Variants in ACSL6 observed in about 807,000 individuals in gnomAD.
ACSL6 encodes long-chain-fatty-acid--CoA ligase 6.
Under a neutral mutation model 98.2 loss-of-function variants are expected in ACSL6, and 47 were observed. That is an observed-to-expected ratio of 0.48 (90% CI 0.38 to 0.61). ACSL6 has a LOEUF of 0.61. Among genes scored for constraint, ACSL6 ranks in the 20% least tolerant of loss-of-function variants. The probability of loss-of-function intolerance (pLI) is 0.00; values close to 1 mark genes in which losing one functional copy is unlikely to be tolerated. For missense variants in ACSL6, 761 were observed against 913.4 expected (o/e 0.83, Z 2.15); for synonymous variants, 362 against 336.9 (o/e 1.07, Z -0.82).
chr5:132,011,971 T>C, upstream of ACSL6: 1 of 1,529,548 alleles, frequency 6.5e-7, no homozygotes, highest in East Asian at 2.6e-5. This position sits in a 1 kb window ranked among gnomAD's most constrained non-coding sequence, Gnocchi z 5.4. Flanking sequence ...CGCCAGAGCG[T>C]GACATTGAGC....
chr5:131,974,702 C>A, intron 11 of ACSL6, 191 bp downstream of exon 11: 1 of 1,559,856 alleles, frequency 6.4e-7, no homozygotes, highest in South Asian at 1.2e-5. Flanking sequence ...AAGTGACACC[C>A]GCTAGGGTTA....
Position 131,990,094 on chromosome 5 carries a change from A to C in ACSL6, c.450+6T>G. On this transcript the variant is annotated splice_donor_region_variant and intron_variant, in intron 4 of 20. Coordinates refer to ENST00000651883, the MANE Select transcript of ACSL6 (RefSeq NM_001009185.3). ...GCCAGGGTGGGGCCTGTCCTGTATC[A>C]CTCACCTCCTGGTAGGACAGCCACT... 1 of 1,613,270 alleles carries C rather than the reference A, an allele frequency of 6.2e-7. No individual in the cohort carries two copies.
chr5:131,979,965 G>A (rs1753806065), intron 9 of ACSL6, among the ~76,000 whole-genome samples: 1 of 152,196 alleles, frequency 6.6e-6, no homozygotes, highest in Non-Finnish European at 1.5e-5. Context: ...CAGTGTTCCT[G>A]GGCAGGCCTC....
intron 10 of ACSL6, chr5:131,975,311 A>G (rs1410507674): frequency 1.0e-6 from 1 of 985,254 alleles, no homozygotes; most frequent in Non-Finnish European, 1.2e-6. Flanking sequence ...TCCGCAGGGA[A>G]GTCTCCTCTC....
chr5:131,975,473 T>C, intron 10 of ACSL6: 1 of 985,436 alleles, frequency 1.0e-6, no homozygotes, highest in African/African-American at 1.7e-5. Context: ...AGTCAGCACT[T>C]TCTAGTCCTT....
chr5:131,955,654 C>A (rs1752365404), intron 20 of ACSL6, among the ~76,000 whole-genome samples: 1 of 152,152 alleles, frequency 6.6e-6, no homozygotes, highest in African/African-American at 2.4e-5. Flanking sequence ...GGCTCAAGCC[C>A]TAAACCAACC....
At position 131,950,562 on chromosome 5, in the gene ACSL6, A is replaced by G. The variant is rs757969203; in HGVS notation, c.*3672T>C. On this transcript the variant is annotated 3_prime_UTR_variant, in exon 21 of 21. Transcript: ENST00000651883. ...CCAATTTATAGTTTACCAATTTTATATACGGTTATTCATTCTTTTTTTCCT... is the reference window on the plus strand; with the variant it reads ...CCAATTTATAGTTTACCAATTTTATGTACGGTTATTCATTCTTTTTTTCCT... 2.5e-5 allele frequency: 5 copies of G among 198,990 alleles called. No individual in the cohort carries two copies. Among genetic ancestry groups the G allele is most frequent in the Non-Finnish European group, 3.1e-5 (3 of 96,430 alleles). 12.3% of individuals were successfully genotyped at this position (198,990 alleles called of 1,614,324 possible).
At position 131,974,884 on chromosome 5, in the gene ACSL6, G is replaced by A. The variant is rs776334617; in HGVS notation, c.1068+9C>T. The A allele has an allele frequency of 1.2e-6, 2 of 1,614,156 alleles. No homozygotes were observed. The highest frequency in any genetic ancestry group is 1.7e-6 in the Non-Finnish European group (2 of 1,180,036). On this transcript the variant is annotated intron_variant, in intron 11 of 20. Transcript: ENST00000651883. ...AGGCAAGGCCCGGTCAGTCAGGTGG[G>A]TGTCTTACCTGGATTACTCTCTCAA...
intron 9 of ACSL6, among the ~76,000 whole-genome samples, chr5:131,977,202 G>A (rs1204013872): frequency 2.0e-5 from 3 of 152,258 alleles, no homozygotes; most frequent in Non-Finnish European, 4.4e-5. Context: ...GGCCAGGCTG[G>A]AGATCCAAGA....
In ACSL6 at chr5:131,968,021, T is replaced by C. The variant is rs1282611586; in HGVS notation, c.1515A>G (p.Val505=). 6.2e-7 allele frequency: 1 copy of C among 1,613,832 alleles called. No homozygotes were observed. The highest frequency in any genetic ancestry group is 1.1e-5 in the South Asian group (1 of 91,014). ...TTPGDWTSGH[V]GAPLPCNHIK... ...TATGATTGCAGGGAAGTGGCGCCCCTACGTGCCCTGGAACACCGGAGCAAG... is the reference window on the plus strand; with the variant it reads ...TATGATTGCAGGGAAGTGGCGCCCCCACGTGCCCTGGAACACCGGAGCAAG... Residue 505 remains valine (V), a synonymous_variant, in exon 16 of 21, where the codon GTA becomes GTG. Transcript: ENST00000651883.
intron 1 of ACSL6, chr5:132,007,031 A>G (rs1416724385): frequency 6.6e-6 from 1 of 152,118 alleles, no homozygotes; most frequent in Non-Finnish European, 1.5e-5. Context: ...AATTACGCTC[A>G]GGGAATTCTT....
intron 7 of ACSL6, 91 bp from the exon 8 acceptor site, chr5:131,986,945 G>T (rs10059315): frequency 2.3e-6 from 3 of 1,314,022 alleles, no homozygotes; most frequent in Non-Finnish European, 3.2e-6. Context: ...TCTCACACAC[G>T]CACATACACA....
chr5:131,990,765 C>T, intron 3 of ACSL6, 88 bp downstream of exon 3: 1 of 1,229,310 alleles, frequency 8.1e-7, no homozygotes, highest in Non-Finnish European at 1.2e-6. Context: ...CTGCCATGGC[C>T]CTGGTATCAT....
At chr5:131,993,268 C>T (rs897149888) in intron 2 of ACSL6, 2 of 152,376 alleles carry the variant, frequency 1.3e-5, no homozygotes, top group African/African-American at 4.8e-5. Context: ...GCAAGGTGCA[C>T]AACAGGGTAT....
chr5:131,992,107 C>T (rs931348711), intron 2 of ACSL6, among the ~76,000 whole-genome samples: 11 of 152,184 alleles, frequency 7.2e-5, no homozygotes, highest in Middle Eastern at 3.4e-3. Context: ...TGGGGGTTGC[C>T]GGACAGAGTG....
chr5:131,969,636 G>A (rs1290476002), intron 15 of ACSL6, among the ~76,000 whole-genome samples: 1 of 152,224 alleles, frequency 6.6e-6, no homozygotes, highest in African/African-American at 2.4e-5. Context: ...ATTTTAGAAT[G>A]AAGGAAGCAG....
rs540351643 is a variant in ACSL6 at position 132,003,999 on chromosome 5, G to A, written c.49+7506C>T. 2.6e-5 allele frequency among the ~76,000 whole-genome samples: 4 copies of A among 152,310 alleles called. No homozygotes were observed. The South Asian group carries it at 8.3e-4, about 32-fold the overall frequency. ...TGGAGAAAGAAATGGGAAGAAAAAA[G>A]TGCTGGTACACAAGAAGACCCTGCA... On this transcript the variant is annotated intron_variant, in intron 1 of 20. Transcript: ENST00000651883.
At chr5:131,957,183 T>TA (rs965783048) in intron 20 of ACSL6, among the ~76,000 whole-genome samples, 43 of 151,222 alleles carry the variant, frequency 2.8e-4, no homozygotes, top group Admixed American at 8.6e-4. Context: ...GAGATAAAGT[T>TA]AAAAAAAAAC....
At chr5:131,981,135 C>A (rs73786736) in intron 9 of ACSL6, among the ~76,000 whole-genome samples, 58 of 152,112 alleles carry the variant, frequency 3.8e-4, no homozygotes, top group South Asian at 3.7e-3. Flanking sequence ...CTTTCTCCCC[C>A]ACCCACACCA....
Sources: gnomAD v4.1 joint callset for allele counts (sites outside exome capture counted in the v4.1 genomes callset) on GRCh38, gnomAD v4.1.1 for gene constraint, Gnocchi (gnomAD v3.1) non-coding constraint, MANE v1.5 for transcripts, NCBI Gene and HGNC (gene_info 2026-07-23, HGNC 2026-07-21) for gene names.